The following TCEANC2 variants were observed in gnomAD, a reference collection of about 807,000 sequenced individuals.
The protein encoded by TCEANC2 is transcription elongation factor A N-terminal and central domain-containing protein 2.
A neutral mutation model predicts 22.8 loss-of-function variants in TCEANC2; 20 were observed. That is an observed-to-expected ratio of 0.88 (90% CI 0.62 to 1.28). The LOEUF (loss-of-function observed/expected upper bound fraction) is 1.28, where lower values mean the gene tolerates loss of function less well. TCEANC2 is among the 50% of genes most tolerant of loss of function. The pLI is 0.00. For missense variants in TCEANC2, 251 were observed against 249.7 expected (o/e 1.01, Z -0.03); for synonymous variants, 84 against 95.5 (o/e 0.88, Z 0.70).
chr1:54,076,472 A>G (rs1282114024), intron 3 of TCEANC2, among the ~76,000 whole-genome samples: 2 of 152,178 alleles, frequency 1.3e-5, no homozygotes, highest in South Asian at 2.1e-4. Context: ...TCCATGGTGT[A>G]TCTGTGCCAC....
At position 54,096,562 on chromosome 1, in the gene TCEANC2, C is replaced by T. The variant is rs1658560805; in HGVS notation, c.*89C>T. ...AGACGCTTTTGAGTTTGGGTGATGG[C>T]TGATGCTGGCTGTGCTAGATTTTCC... On this transcript the variant is annotated 3_prime_UTR_variant, in exon 5 of 5. Coordinates refer to ENST00000234827, the MANE Select transcript of TCEANC2 (RefSeq NM_153035.3). The surrounding 1 kb of genome is among the most constrained non-coding windows in gnomAD (Gnocchi z 4.9). The T allele has an allele frequency of 2.7e-6, 4 of 1,479,368 alleles. No homozygotes were observed. In the Admixed American group the frequency reaches 6.8e-5, roughly 25 times the overall value. 91.6% of individuals were successfully genotyped at this position (1,479,368 alleles called of 1,614,324 possible). A position where few individuals can be genotyped will look rare whatever the true frequency, so the allele number is the denominator to read the frequency against.
In TCEANC2 at chr1:54,097,418, A is replaced by G. The variant is rs1658579268; in HGVS notation, c.*945A>G. The G allele has an allele frequency of 6.6e-6, 1 of 152,204 alleles. No individual in the cohort carries two copies. The highest frequency in any genetic ancestry group is 6.5e-5 in the Admixed American group (1 of 15,284). 9.4% of individuals were successfully genotyped at this position (152,204 alleles called of 1,614,324 possible). A position where few individuals can be genotyped will look rare whatever the true frequency, so the allele number is the denominator to read the frequency against. On this transcript the variant is annotated 3_prime_UTR_variant, in exon 5 of 5. Coordinates refer to ENST00000234827, the MANE Select transcript of TCEANC2 (RefSeq NM_153035.3). ...GATGGAACAAGGATTTGAGGAATGTAGAAGACTCAAGGAAGTGGGGATTAG... is the reference window on the plus strand; with the variant it reads ...GATGGAACAAGGATTTGAGGAATGTGGAAGACTCAAGGAAGTGGGGATTAG...
intron 4 of TCEANC2, among the ~76,000 whole-genome samples, chr1:54,091,704 C>G (rs1451684240): frequency 6.6e-6 from 1 of 152,074 alleles, no homozygotes; most frequent in Non-Finnish European, 1.5e-5. Flanking sequence ...TCGTTGAAAC[C>G]CAGGCTCCAT....
chr1:54,054,113 C>A, intron 1 of TCEANC2: 1 of 555,562 alleles, frequency 1.8e-6, no homozygotes, highest in Non-Finnish European at 2.8e-6. Flanking sequence ...CAATATTGGG[C>A]CAATTCCCCC....
intron 3 of TCEANC2, among the ~76,000 whole-genome samples, chr1:54,076,631 A>G (rs1004109284): frequency 3.3e-5 from 5 of 152,218 alleles, no homozygotes; most frequent in Admixed American, 3.3e-4. Flanking sequence ...AATGGTAGCT[A>G]TAGGATGACA....
chr1:54,082,609 G>T (rs780587920), intron 3 of TCEANC2, among the ~76,000 whole-genome samples: 3 of 152,102 alleles, frequency 2.0e-5, no homozygotes, highest in Non-Finnish European at 4.4e-5. Context: ...AGGCACAGAA[G>T]TAGGAGCAGG....
rs1188328278 is a variant in TCEANC2, at chr1:54,060,727, G to A, written c.102+6203G>A. Among the ~76,000 whole-genome samples the A allele has an allele frequency of 2.0e-5, 3 of 151,992 alleles. No individual in the cohort carries two copies. In the East Asian group the frequency reaches 5.8e-4, roughly 29 times the overall value. On this transcript the variant is annotated intron_variant, in intron 2 of 4. Transcript: ENST00000234827. ...GGCTGAGGTGGGCAGATCACCTGAG[G>A]TCAGGAGTTTGAGACCAGCCTGGCC...
rs7518669 is a variant in TCEANC2, at chr1:54,089,522, A to G, written c.438+732A>G. On this transcript the variant is annotated intron_variant, in intron 4 of 4. Coordinates refer to ENST00000234827, the MANE Select transcript of TCEANC2 (RefSeq NM_153035.3). Reference sequence around the variant, plus strand: ...TAATAATATTCATTGTCATCAAACAACAAATCTTATAAGCCGATTAATACT... The same window carrying G: ...TAATAATATTCATTGTCATCAAACAGCAAATCTTATAAGCCGATTAATACT... Among the ~76,000 whole-genome samples, 1,421 of 152,346 alleles carry G rather than the reference A, an allele frequency of 9.3e-3. 24 individuals are homozygous for G. The highest frequency in any genetic ancestry group is 0.032 in the African/African-American group (1,332 of 41,564).
intron 2 of TCEANC2, among the ~76,000 whole-genome samples, chr1:54,060,271 C>G (rs956164921): frequency 6.6e-6 from 1 of 151,524 alleles, no homozygotes; most frequent in Non-Finnish European, 1.5e-5. Flanking sequence ...TGGGCGTGGT[C>G]GCGCGCGCCT....
chr1:54,060,302 G>A (rs1237634949), intron 2 of TCEANC2, among the ~76,000 whole-genome samples: 1 of 152,178 alleles, frequency 6.6e-6, no homozygotes, highest in Non-Finnish European at 1.5e-5. Flanking sequence ...CTGCTTGGGA[G>A]GCTGAAGCAG....
chr1:54,089,770 C>G (rs958743339), intron 4 of TCEANC2: 7 of 343,974 alleles, frequency 2.0e-5, no homozygotes, highest in Non-Finnish European at 3.7e-5. Flanking sequence ...ATAGTACTTA[C>G]TTTTTTTAAA....
Position 54,099,298 on chromosome 1 carries a change from G to C in TCEANC2, c.*2825G>C, listed in dbSNP as rs1452705966. The C allele has an allele frequency of 1.3e-5, 2 of 152,248 alleles. No homozygotes were observed. Among genetic ancestry groups the C allele is most frequent in the Non-Finnish European group, 2.9e-5 (2 of 68,052 alleles). The allele number at this position is 152,248 out of a possible 1,614,324, so 9.4% of individuals were successfully genotyped here. On this transcript the variant is annotated 3_prime_UTR_variant, in exon 5 of 5. Transcript: ENST00000234827. Reference sequence around the variant, plus strand: ...ATTTGGAAAGCAGGCTGTGTTATTTGTGGCTGTTTTCTCCTTGATGCATGT... The same window carrying C: ...ATTTGGAAAGCAGGCTGTGTTATTTCTGGCTGTTTTCTCCTTGATGCATGT...
At chr1:54,057,420 G>A (rs563605762) in intron 2 of TCEANC2, among the ~76,000 whole-genome samples, 43 of 146,334 alleles carry the variant, frequency 2.9e-4, no homozygotes, top group Middle Eastern at 3.5e-3. Context: ...TGAACTTCTG[G>A]GCTCAAGCTA....
chr1:54,111,653 T>C (rs1273034347), exon 5 of TCEANC2: 1 of 152,120 alleles, frequency 6.6e-6, no homozygotes, highest in Non-Finnish European at 1.5e-5. Context: ...ATCACACAGC[T>C]CTCCCATGTA....
intron 2 of TCEANC2, among the ~76,000 whole-genome samples, chr1:54,065,320 A>G (rs541299406): frequency 4.6e-5 from 7 of 152,308 alleles, no homozygotes; most frequent in African/African-American, 1.7e-4. Context: ...TGAAAGAGAA[A>G]AGTACATAAG....
At chr1:54,057,148 C>T (rs962300774) in intron 2 of TCEANC2, among the ~76,000 whole-genome samples, 1 of 151,524 alleles carries the variant, frequency 6.6e-6, no homozygotes, top group African/African-American at 2.4e-5. Flanking sequence ...AATGTATATC[C>T]GTATACCAAG....
At chr1:54,058,414 G>A (rs1054502961) in intron 2 of TCEANC2, among the ~76,000 whole-genome samples, 18 of 152,136 alleles carry the variant, frequency 1.2e-4, no homozygotes, top group Admixed American at 3.3e-4. Context: ...CCTGTGCCCC[G>A]CTATACTCTG....
intron 2 of TCEANC2, among the ~76,000 whole-genome samples, chr1:54,067,353 A>G (rs1040904900): frequency 2.6e-4 from 40 of 152,298 alleles, no homozygotes; most frequent in African/African-American, 9.4e-4. Context: ...AAACTGGGGA[A>G]GCGGGAGGAC....
downstream of TCEANC2, among the ~76,000 whole-genome samples, chr1:54,107,191 C>T (rs947096453): frequency 2.6e-5 from 4 of 152,190 alleles, no homozygotes; most frequent in Non-Finnish European, 2.9e-5. Context: ...TCCCCATAAC[C>T]TTGACAGTCT....
Sources: allele counts gnomAD v4.1 joint callset (sites outside exome capture counted in the v4.1 genomes callset), GRCh38; gene constraint gnomAD v4.1.1; non-coding constraint Gnocchi (gnomAD v3.1); transcripts MANE v1.5; gene names NCBI Gene and HGNC (gene_info 2026-07-23, HGNC 2026-07-21).